The following MTAP variants were observed in gnomAD, a reference collection of about 807,000 sequenced individuals.
MTAP encodes the protein methylthioadenosine phosphorylase.
Under a neutral mutation model 33.6 loss-of-function variants are expected in MTAP, and 33 were observed. That is an observed-to-expected ratio of 0.98 (90% CI 0.74 to 1.31). The LOEUF (loss-of-function observed/expected upper bound fraction) is 1.31, where lower values mean the gene tolerates loss of function less well. Ranked by LOEUF, MTAP falls within the 40% of genes most tolerant of loss-of-function variation. MTAP has a pLI of 0.00. For synonymous variants in MTAP, 148 were observed against 125.7 expected, an observed-to-expected ratio of 1.18 and a Z score of -1.19; for missense variants, 367 against 360.0, an observed-to-expected ratio of 1.02 and a Z score of -0.16.
chr9:21,806,204 G>T (rs1014711132), intron 1 of MTAP, among the ~76,000 whole-genome samples: 3 of 152,232 alleles, frequency 2.0e-5, no homozygotes, highest in South Asian at 4.1e-4. Context: ...AGAAGTCTTG[G>T]TGCTGGGGCT....
At chr9:21,804,924 T>C (rs1057256000) in intron 1 of MTAP, among the ~76,000 whole-genome samples, 4 of 152,250 alleles carry the variant, frequency 2.6e-5, no homozygotes, top group African/African-American at 9.6e-5. Context: ...CTGCCCTGTT[T>C]TCTTGTGACC....
chr9:21,844,168 A>C (rs1160054706), intron 5 of MTAP, among the ~76,000 whole-genome samples: 1 of 152,172 alleles, frequency 6.6e-6, no homozygotes, highest in Non-Finnish European at 1.5e-5. Flanking sequence ...CACCCTCCCC[A>C]ATTAAATCAG....
intron 5 of MTAP, among the ~76,000 whole-genome samples, chr9:21,854,096 T>C (rs998241590): frequency 2.6e-5 from 4 of 152,194 alleles, no homozygotes; most frequent in Non-Finnish European, 5.9e-5. Flanking sequence ...GGAAAGGCAA[T>C]AGGCAAAAGA....
rs1224088691 is a variant in MTAP, at chr9:21,922,856, T to C, written c.148-8152T>C. Among the ~76,000 whole-genome samples, 2 of 152,148 alleles carry C rather than the reference T, an allele frequency of 1.3e-5. No individual in the cohort carries two copies. The highest frequency in any genetic ancestry group is 2.4e-5 in the African/African-American group (1 of 41,454). On this transcript the variant is annotated intron_variant, in intron 1 of 1. Transcript: ENST00000577563. This position sits in a 1 kb window ranked among gnomAD's most constrained non-coding sequence, Gnocchi z 4.8. ...ACACCATGTAGACCTGAAATACTAA[T>C]GGCCCTCCTAGACAGGAGGCTCATG...
In MTAP at chr9:21,859,445, A is replaced by G; in HGVS notation, c.813+20A>G. The G allele has an allele frequency of 6.2e-7, 1 of 1,600,402 alleles. No homozygotes were observed. Among genetic ancestry groups the G allele is most frequent in the Non-Finnish European group, 8.5e-7 (1 of 1,175,540 alleles). On this transcript the variant is annotated intron_variant, in intron 7 of 7. Transcript: ENST00000644715. ...CTGAAGGTAAGTGTCAGCCATGGAC[A>G]ATCAGGCATGTCTGTAGACTCTCTA... is the stretch of plus-strand genomic sequence containing the variant.
In MTAP at chr9:21,818,277, C is replaced by T. The variant is rs1019866336; in HGVS notation, c.347+75C>T. ...GCTCAAATGGACGACGCGTGGGAAC[C>T]GGCAGGGCAACTGGGAGGGCAGTGC... On this transcript the variant is annotated intron_variant, in intron 4 of 7. Transcript: ENST00000644715. 2.5e-5 allele frequency: 32 copies of T among 1,281,098 alleles called. No homozygotes were observed. In the East Asian group the frequency reaches 2.9e-4, roughly 12 times the overall value. The allele number at this position is 1,281,098 out of a possible 1,614,324, so 79.4% of individuals were successfully genotyped here.
At chr9:21,847,046 A>C (rs1217015930) in intron 5 of MTAP, among the ~76,000 whole-genome samples, 2 of 152,188 alleles carry the variant, frequency 1.3e-5, no homozygotes, top group Non-Finnish European at 2.9e-5. Context: ...CAGTCTAATC[A>C]GCTGCCAGCA....
At chr9:21,846,129 A>G (rs924694985) in intron 5 of MTAP, among the ~76,000 whole-genome samples, 1 of 152,200 alleles carries the variant, frequency 6.6e-6, no homozygotes, top group Non-Finnish European at 1.5e-5. Flanking sequence ...TCAAAGACTT[A>G]AATCTAAGAC....
chr9:21,872,514 A>G (rs1417763388), intron 1 of MTAP, among the ~76,000 whole-genome samples: 1 of 152,200 alleles, frequency 6.6e-6, no homozygotes, highest in African/African-American at 2.4e-5. Context: ...ACTCATGTCC[A>G]TCTGTCTACA....
intron 1 of MTAP, among the ~76,000 whole-genome samples, chr9:21,888,778 G>A (rs1245454869): frequency 6.6e-6 from 1 of 151,818 alleles, no homozygotes; most frequent in Non-Finnish European, 1.5e-5. Context: ...CATTCAAATA[G>A]AAGTTCAAAG....
chr9:21,882,897 T>G (rs1818038109), intron 1 of MTAP, among the ~76,000 whole-genome samples: 1 of 152,006 alleles, frequency 6.6e-6, no homozygotes, highest in African/African-American at 2.4e-5. Flanking sequence ...CTGGAAATTT[T>G]GGTTTTCTGT....
intron 1 of MTAP, chr9:21,809,026 A>T (rs984483985): frequency 1.3e-5 from 2 of 152,246 alleles, no homozygotes; most frequent in Non-Finnish European, 2.9e-5. Flanking sequence ...TCTCTTGCTT[A>T]TGGGGAAAAC....
rs753415134 is a variant in MTAP at position 21,818,069 on chromosome 9, G to T, written c.214G>T (p.Val72Phe). ...GRQHTIMPSK[V>F]NYQANIWALK... ...GCAGCACACCATCATGCCTTCAAAG[G>T]TCAACTACCAGGCGAACATCTGGGC... is the stretch of plus-strand genomic sequence containing the variant. The change falls in exon 4 of 8, where the codon GTC becomes TTC. Residue 72 changes from valine (V) to phenylalanine (F), a missense_variant. Transcript: ENST00000644715. 8.7e-6 allele frequency: 14 copies of T among 1,613,316 alleles called. No homozygotes were observed. Among genetic ancestry groups the T allele is most frequent in the Non-Finnish European group, 1.2e-5 (14 of 1,179,802 alleles).
intron 1 of MTAP, among the ~76,000 whole-genome samples, chr9:21,813,384 C>A (rs1302569030): frequency 6.6e-6 from 1 of 152,228 alleles, no homozygotes; most frequent in African/African-American, 2.4e-5. Flanking sequence ...ACTACATGTT[C>A]CTTGCTGAGG....
chr9:21,890,413 C>T (rs1373960480), intron 1 of MTAP, among the ~76,000 whole-genome samples: 1 of 152,214 alleles, frequency 6.6e-6, no homozygotes, highest in Non-Finnish European at 1.5e-5. Flanking sequence ...CCTGCCATGG[C>T]TTCTGTGCTC....
intron 1 of MTAP, among the ~76,000 whole-genome samples, chr9:21,900,967 G>T (rs1818381947): frequency 6.6e-6 from 1 of 152,132 alleles, no homozygotes; most frequent in African/African-American, 2.4e-5. Flanking sequence ...GCTAAACACT[G>T]AGTACACATG....
At chr9:21,889,139 A>C (rs1388781231) in intron 1 of MTAP, among the ~76,000 whole-genome samples, 1 of 152,010 alleles carries the variant, frequency 6.6e-6, no homozygotes, top group Non-Finnish European at 1.5e-5. Flanking sequence ...GTCATTTAAC[A>C]TAATCTCAAA....
chr9:21,924,743 G>A (rs1818840686), intron 1 of MTAP, among the ~76,000 whole-genome samples: 1 of 152,082 alleles, frequency 6.6e-6, no homozygotes, highest in Admixed American at 6.5e-5. Context: ...CCCTACCCAG[G>A]GCCATCCTCT....
intron 5 of MTAP, 35 bp from the exon 6 acceptor site, chr9:21,854,596 A>G (rs1354259151): frequency 6.6e-7 from 1 of 1,516,184 alleles, no homozygotes; most frequent in Non-Finnish European, 8.8e-7. Flanking sequence ...TGCATGTGCT[A>G]GTATGTTTTG....
Sources: gnomAD v4.1 joint callset for allele counts (sites outside exome capture counted in the v4.1 genomes callset) on GRCh38, gnomAD v4.1.1 for gene constraint, Gnocchi (gnomAD v3.1) non-coding constraint, MANE v1.5 for transcripts, NCBI Gene and HGNC (gene_info 2026-07-23, HGNC 2026-07-21) for gene names.